KAZN: variants seen among roughly 807,000 people sequenced by gnomAD.
The protein encoded by KAZN is kazrin, periplakin interacting protein.
In KAZN, 40 loss-of-function variants were observed where a neutral mutation model predicts 87.4. The ratio of observed to expected loss-of-function variants is 0.46; its 90% CI spans 0.36 to 0.60. KAZN has a LOEUF of 0.60. Among genes scored for constraint, KAZN ranks in the 20% least tolerant of loss-of-function variants. The pLI is 0.00. For synonymous variants in KAZN, 466 were observed against 458.3 expected, an observed-to-expected ratio of 1.02 and a Z score of -0.22; for missense variants, 898 against 1,073.9, an observed-to-expected ratio of 0.84 and a Z score of 2.29.
intron 1 of KAZN, among the ~76,000 whole-genome samples, chr1:14,053,385 G>A (rs1201636753): frequency 2.0e-5 from 3 of 152,186 alleles, no homozygotes; most frequent in Non-Finnish European, 2.9e-5. Context: ...ACACTGGAGT[G>A]GAGAACCCAG....
chr1:15,064,825 C>G (rs1160047930), intron 7 of KAZN, among the ~76,000 whole-genome samples: 1 of 152,232 alleles, frequency 6.6e-6, no homozygotes, highest in African/African-American at 2.4e-5. Context: ...GGCCACCCTT[C>G]CTCCCTGTGG....
chr1:14,206,700 TTC>T (rs201941403), intron 2 of KAZN, among the ~76,000 whole-genome samples: 191 of 45,718 alleles, frequency 4.2e-3, no homozygotes, highest in African/African-American at 0.011. Flanking sequence ...CATGAGCATT[TTC>T]TTTTTTTTTT....
intron 1 of KAZN, among the ~76,000 whole-genome samples, chr1:14,756,904 G>A (rs1201140034): frequency 5.9e-5 from 9 of 152,352 alleles, no homozygotes; most frequent in African/African-American, 2.2e-4. Flanking sequence ...ATTTCTGCCA[G>A]CAGAAGGTAA....
chr1:14,108,719 T>C (rs1644433601), intron 1 of KAZN, among the ~76,000 whole-genome samples: 1 of 152,196 alleles, frequency 6.6e-6, no homozygotes, highest in African/African-American at 2.4e-5. Context: ...GGGAACCGTG[T>C]GGACTTGCCC....
intron 2 of KAZN, among the ~76,000 whole-genome samples, chr1:14,489,041 A>C (rs1669502734): frequency 6.6e-6 from 1 of 152,242 alleles, no homozygotes; most frequent in African/African-American, 2.4e-5. Flanking sequence ...AGAGAAAGAG[A>C]AACAGAGATC....
At chr1:14,186,139 G>A (rs1036628023) in intron 2 of KAZN, among the ~76,000 whole-genome samples, 28 of 152,124 alleles carry the variant, frequency 1.8e-4, no homozygotes, top group African/African-American at 3.9e-4. Flanking sequence ...AATTACTTTC[G>A]TACCAACTGA....
intron 1 of KAZN, among the ~76,000 whole-genome samples, chr1:14,838,898 A>G (rs535647745): frequency 9.2e-5 from 14 of 152,320 alleles, no homozygotes; most frequent in African/African-American, 3.4e-4. Flanking sequence ...CTGGAATTGC[A>G]GGTGTGAGCC....
chr1:14,450,105 G>A (rs1159240777), intron 2 of KAZN, among the ~76,000 whole-genome samples: 1 of 130,618 alleles, frequency 7.7e-6, no homozygotes, highest in East Asian at 2.2e-4. Context: ...TTCAGGAGAT[G>A]CTGGGGAGAG....
intron 13 of KAZN, among the ~76,000 whole-genome samples, chr1:15,107,193 G>T (rs1336986275): frequency 6.6e-6 from 1 of 152,198 alleles, no homozygotes; most frequent in African/African-American, 2.4e-5. Flanking sequence ...TTGAACACCT[G>T]CTGTGAGCAG....
chr1:14,965,670 TTC>T (rs1232729555), intron 2 of KAZN, among the ~76,000 whole-genome samples: 2 of 152,338 alleles, frequency 1.3e-5, no homozygotes, highest in East Asian at 1.9e-4. Flanking sequence ...TCCACTTTTT[TTC>T]TCTCTCTGTC....
chr1:13,926,969 C>A (rs979262595), intron 1 of KAZN, among the ~76,000 whole-genome samples: 1 of 152,148 alleles, frequency 6.6e-6, no homozygotes, highest in Non-Finnish European at 1.5e-5. Context: ...ATGCATTTGT[C>A]GTAAAGTGCC....
intron 1 of KAZN, among the ~76,000 whole-genome samples, chr1:14,641,900 A>G (rs1680433631): frequency 6.6e-6 from 1 of 152,236 alleles, no homozygotes; most frequent in African/African-American, 2.4e-5. Flanking sequence ...CTGGGGAGAA[A>G]TATTTGCAAG....
At chr1:14,090,901 C>T (rs929141341) in intron 1 of KAZN, among the ~76,000 whole-genome samples, 9 of 152,010 alleles carry the variant, frequency 5.9e-5, no homozygotes, top group African/African-American at 2.2e-4. Context: ...ATCAAGAGGT[C>T]AGGTGTTCGA....
chr1:14,493,701 G>A (rs567776879), intron 2 of KAZN, among the ~76,000 whole-genome samples: 1 of 152,230 alleles, frequency 6.6e-6, no homozygotes, highest in African/African-American at 2.4e-5. Context: ...ATTCCATGAA[G>A]ATGTCTTATT....
chr1:14,892,923 T>C (rs1187640912), intron 1 of KAZN, among the ~76,000 whole-genome samples: 1 of 152,246 alleles, frequency 6.6e-6, no homozygotes, highest in Non-Finnish European at 1.5e-5. Flanking sequence ...TCCTCATTCA[T>C]GCAGTCCTCC....
At chr1:14,676,314 G>T (rs1243583878) in intron 1 of KAZN, among the ~76,000 whole-genome samples, 1 of 152,128 alleles carries the variant, frequency 6.6e-6, no homozygotes, top group Non-Finnish European at 1.5e-5. Context: ...AAAATGTCAG[G>T]TCCTTCTTGT....
At chr1:14,493,636 T>A (rs1669794766) in intron 2 of KAZN, among the ~76,000 whole-genome samples, 1 of 152,234 alleles carries the variant, frequency 6.6e-6, no homozygotes, top group Non-Finnish European at 1.5e-5. Flanking sequence ...CCCCTTTCAT[T>A]AATTTTGCCT....
intron 2 of KAZN, among the ~76,000 whole-genome samples, chr1:14,379,476 G>A (rs142539698): frequency 1.0e-3 from 155 of 152,200 alleles, no homozygotes; most frequent in Non-Finnish European, 1.7e-3. Context: ...CTTAGACAAC[G>A]TCTATGCACC....
Position 14,299,268 on chromosome 1 carries a change from C to T in KAZN, c.249+118676C>T, listed in dbSNP as rs867060095. ...CTGTAATCCCAGCCCTTTGGGAGGC[C>T]GAGGTGTGTGGATCACCTGAGCTCA... On this transcript the variant is annotated intron_variant, in intron 2 of 16. Transcript: ENST00000636203. 7.9e-5 allele frequency among the ~76,000 whole-genome samples: 12 copies of T among 152,050 alleles called. No individual in the cohort carries two copies. In the East Asian group the frequency reaches 1.2e-3, roughly 15 times the overall value.
Sources: allele counts gnomAD v4.1 joint callset (sites outside exome capture counted in the v4.1 genomes callset), GRCh38; gene constraint gnomAD v4.1.1; transcripts MANE v1.5; gene names NCBI Gene and HGNC (gene_info 2026-07-23, HGNC 2026-07-21).